Variants in NMRK1 observed in about 807,000 individuals in gnomAD.
NMRK1 encodes the protein nicotinamide riboside kinase 1, also known as NRK 1.
In NMRK1, 28 loss-of-function variants were observed where a neutral mutation model predicts 29.9. The observed-to-expected ratio is 0.94, with a 90% CI of 0.69 to 1.28. The LOEUF is 1.28. Among genes scored for constraint, NMRK1 ranks in the 50% most tolerant of loss-of-function variants. The probability of loss-of-function intolerance (pLI) is 0.00; values close to 1 mark genes in which losing one functional copy is unlikely to be tolerated. For synonymous variants in NMRK1, 58 were observed against 73.0 expected (o/e 0.79, Z 1.05); for missense variants, 218 against 233.1 (o/e 0.94, Z 0.42).
intron 1 of NMRK1, among the ~76,000 whole-genome samples, chr9:75,083,830 A>G (rs897642083): frequency 1.3e-5 from 2 of 152,232 alleles, no homozygotes; most frequent in African/African-American, 2.4e-5. Flanking sequence ...ATGGACTTAT[A>G]TAACAAGAGA....
Position 75,061,503 on chromosome 9 carries a change from G to A in NMRK1, c.*45C>T, listed in dbSNP as rs192062728. 8 of 1,521,406 alleles carry A rather than the reference G, an allele frequency of 5.3e-6. No individual in the cohort carries two copies. In the East Asian group the frequency reaches 1.1e-4, roughly 21 times the overall value. 94.2% of individuals were successfully genotyped at this position (1,521,406 alleles called of 1,614,324 possible). A position where few individuals can be genotyped will look rare whatever the true frequency, so the allele number is the denominator to read the frequency against. The stretch of plus-strand genomic sequence containing the variant: ...GGTGAAGGTTCTTAAATTACTCCTT[G>A]GAGTTTCCTAATTCACTTCAGGAAG... On this transcript the variant is annotated 3_prime_UTR_variant, in exon 9 of 9. Transcript: ENST00000361092.
chr9:75,071,715 G>C (rs1025521562), intron 4 of NMRK1, among the ~76,000 whole-genome samples: 7 of 152,174 alleles, frequency 4.6e-5, no homozygotes, highest in Admixed American at 4.6e-4. Flanking sequence ...GCTGTGTTGT[G>C]GGGGAAGTTG....
At chr9:75,085,857 G>A (rs1236675797) in intron 1 of NMRK1, among the ~76,000 whole-genome samples, 1 of 138,730 alleles carries the variant, frequency 7.2e-6, no homozygotes, top group Admixed American at 8.1e-5. Context: ...ATGAGCAAGT[G>A]ACAATGTGAT....
intron 8 of NMRK1, among the ~76,000 whole-genome samples, chr9:75,064,797 T>C: frequency 6.6e-6 from 1 of 152,176 alleles, no homozygotes; most frequent in East Asian, 1.9e-4. Flanking sequence ...AAACATATAA[T>C]ATTCTTCACT....
intron 7 of NMRK1, among the ~76,000 whole-genome samples, chr9:75,067,410 G>T (rs1823422850): frequency 6.6e-6 from 1 of 152,152 alleles, no homozygotes; most frequent in Non-Finnish European, 1.5e-5. Context: ...AGCAGCTTTG[G>T]AGAAAAAGTA....
chr9:75,067,046 T>C (rs1002932607), intron 7 of NMRK1: 9 of 437,460 alleles, frequency 2.1e-5, no homozygotes, highest in African/African-American at 1.6e-4. Flanking sequence ...TTGTTACAGA[T>C]AAATCCACAC....
chr9:75,068,008 A>G (rs1823465281), intron 7 of NMRK1, among the ~76,000 whole-genome samples: 1 of 152,112 alleles, frequency 6.6e-6, no homozygotes, highest in Non-Finnish European at 1.5e-5. Context: ...TTACCTCCAA[A>G]TTGCTACATA....
chr9:75,082,388 A>G (rs577659735), intron 2 of NMRK1, among the ~76,000 whole-genome samples: 2 of 152,360 alleles, frequency 1.3e-5, no homozygotes, highest in South Asian at 4.1e-4. Flanking sequence ...ATACCATAAC[A>G]CAATGATTTC....
chr9:75,078,232 A>T, intron 2 of NMRK1: 1 of 1,511,934 alleles, frequency 6.6e-7, no homozygotes, highest in South Asian at 1.3e-5. Flanking sequence ...AGCACATTTT[A>T]GTGCAAGTGT....
At chr9:75,086,409 T>G (rs1824634179) in intron 1 of NMRK1, among the ~76,000 whole-genome samples, 1 of 152,220 alleles carries the variant, frequency 6.6e-6, no homozygotes, top group Non-Finnish European at 1.5e-5. Context: ...ATTTTCCCAG[T>G]GCGTGCAAGG....
At chr9:75,078,665 T>A in intron 2 of NMRK1, 1 of 586,022 alleles carries the variant, frequency 1.7e-6, no homozygotes, top group Non-Finnish European at 2.3e-6. Flanking sequence ...GACAGAAATT[T>A]AGCATCTCCT....
intron 8 of NMRK1, among the ~76,000 whole-genome samples, chr9:75,062,391 T>C (rs72732959): frequency 0.14 from 20,963 of 152,200 alleles, 1,803 homozygotes; most frequent in Non-Finnish European, 0.19. Context: ...CTTCTTATTC[T>C]TTTGATTTGG....
chr9:75,066,103 G>A (rs2376396), intron 8 of NMRK1, among the ~76,000 whole-genome samples: 3 of 152,006 alleles, frequency 2.0e-5, no homozygotes, highest in Non-Finnish European at 2.9e-5. Context: ...TGTGAAAAAC[G>A]AGACCTTGGT....
chr9:75,076,023 T>C (rs1823970773), intron 4 of NMRK1, among the ~76,000 whole-genome samples: 1 of 152,166 alleles, frequency 6.6e-6, no homozygotes, highest in South Asian at 2.1e-4. Context: ...CAGAGATTCC[T>C]CAAAAAATTA....
In NMRK1 at chr9:75,069,978, T is replaced by C; in HGVS notation, c.234A>G (p.Arg78=). The C allele has an allele frequency of 6.2e-7, 1 of 1,613,902 alleles. No individual in the cohort carries two copies. Residue 78 remains arginine, a synonymous_variant, in exon 5 of 9, where the codon AGA becomes AGG. Transcript: ENST00000361092. ...SAISCWMESA[R]HSVVSTDQES... is the part of the protein sequence containing the mutation. ...CCTGGTCTGTTGATACCACAGAGTG[T>C]CTTGCGCTTTCCATCCAGCAGGAAA...
rs1460213129 is a variant in NMRK1, at chr9:75,078,375, ACCTGGGGG to A, written c.30-803_30-796del. 3.2e-6 allele frequency: 5 copies of A among 1,569,940 alleles called. No homozygotes were observed. The African/African-American group carries it at 5.4e-5, about 17-fold the overall frequency. On this transcript the variant is annotated intron_variant, in intron 2 of 8. Transcript: ENST00000361092. ...TGCCTCCTTTTCCCCATCTCTCTCC[ACCTGGGGG>A]CCAGCTGGGAGGTCTGCTGTAGCTT...
At chr9:75,066,602 C>G (rs1436158506) in intron 8 of NMRK1, among the ~76,000 whole-genome samples, 155 bp downstream of exon 8, 4 of 152,234 alleles carry the variant, frequency 2.6e-5, no homozygotes, top group African/African-American at 7.2e-5. Flanking sequence ...AAACCCCCCC[C>G]CAGAATTTCT....
intron 8 of NMRK1, among the ~76,000 whole-genome samples, chr9:75,062,502 T>C (rs912135742): frequency 9.2e-5 from 14 of 152,164 alleles, no homozygotes; most frequent in Non-Finnish European, 1.9e-4. Context: ...ATTTTTTTTT[T>C]AACTGGAAGA....
chr9:75,068,218 C>T (rs961101811), intron 7 of NMRK1, among the ~76,000 whole-genome samples: 1 of 152,172 alleles, frequency 6.6e-6, no homozygotes, highest in African/African-American at 2.4e-5. Context: ...ATCTATCCTC[C>T]TCCATTCTCC....
Sources: allele counts gnomAD v4.1 joint callset (sites outside exome capture counted in the v4.1 genomes callset), GRCh38; gene constraint gnomAD v4.1.1; transcripts MANE v1.5; gene names NCBI Gene and HGNC (gene_info 2026-07-23, HGNC 2026-07-21).